RFC3: variants seen among roughly 807,000 people sequenced by gnomAD.
RFC3 encodes A1 38 kDa subunit.
In RFC3, 41 loss-of-function variants were observed where a neutral mutation model predicts 45.1. The ratio of observed to expected loss-of-function variants is 0.91; its 90% CI spans 0.71 to 1.18. The LOEUF is 1.18. Ranked by LOEUF, RFC3 falls within the 50% of genes most tolerant of loss-of-function variation. The probability of loss-of-function intolerance (pLI) is 0.00; values close to 1 mark genes in which losing one functional copy is unlikely to be tolerated. For synonymous variants in RFC3, 149 were observed against 144.0 expected (o/e 1.03, Z -0.25); for missense variants, 423 against 428.1 (o/e 0.99, Z 0.10).
At chr13:33,960,370 G>A (rs2083049283) in intron 8 of RFC3, among the ~76,000 whole-genome samples, 1 of 152,194 alleles carries the variant, frequency 6.6e-6, no homozygotes, top group Admixed American at 6.5e-5. Flanking sequence ...TACCTTAAAG[G>A]ATAAACGAAG....
intron 8 of RFC3, among the ~76,000 whole-genome samples, chr13:33,851,308 G>A (rs928612185): frequency 1.3e-5 from 2 of 152,144 alleles, no homozygotes; most frequent in African/African-American, 4.8e-5. Context: ...GGGGGTTGGA[G>A]CATCAACCCG....
intron 8 of RFC3, among the ~76,000 whole-genome samples, chr13:33,923,491 A>G (rs2082782788): frequency 6.6e-6 from 1 of 152,102 alleles, no homozygotes; most frequent in African/African-American, 2.4e-5. Flanking sequence ...TGGATTCAGA[A>G]CAAGTGGGAT....
At chr13:33,898,815 TA>T (rs1454377784) in intron 8 of RFC3, among the ~76,000 whole-genome samples, 5 of 151,742 alleles carry the variant, frequency 3.3e-5, no homozygotes, top group South Asian at 4.2e-4. Context: ...AAAGGAGTCA[TA>T]AAAACTGAGA....
chr13:33,924,426 A>G (rs1302235949), intron 8 of RFC3, among the ~76,000 whole-genome samples: 1 of 151,944 alleles, frequency 6.6e-6, no homozygotes, highest in East Asian at 1.9e-4. Context: ...TTTACTGGAA[A>G]ACAGCCATGC....
At chr13:33,843,446 A>G (rs1277480248) in intron 8 of RFC3, among the ~76,000 whole-genome samples, 1 of 152,184 alleles carries the variant, frequency 6.6e-6, no homozygotes, top group Admixed American at 6.5e-5. Context: ...CAGTTGTTTA[A>G]TTAGCTGATG....
intron 1 of RFC3, among the ~76,000 whole-genome samples, chr13:33,819,015 C>A (rs2081976916): frequency 6.6e-6 from 1 of 151,686 alleles, no homozygotes; most frequent in Middle Eastern, 3.4e-3. Flanking sequence ...CTCAGCCTCC[C>A]GAGTAGCTGG....
chr13:33,885,930 C>T (rs963623796), intron 8 of RFC3, among the ~76,000 whole-genome samples: 4 of 151,948 alleles, frequency 2.6e-5, no homozygotes, highest in African/African-American at 7.3e-5. Context: ...TTCTCTCTTG[C>T]AACTAGTGAT....
chr13:33,951,445 A>T (rs187329385), intron 8 of RFC3, among the ~76,000 whole-genome samples: 30 of 151,978 alleles, frequency 2.0e-4, no homozygotes, highest in Admixed American at 1.2e-3. Context: ...GTGAGCCAGG[A>T]TGGTCTCCAT....
At chr13:33,918,864 C>T (rs892090377) in intron 8 of RFC3, among the ~76,000 whole-genome samples, 10 of 152,076 alleles carry the variant, frequency 6.6e-5, no homozygotes, top group East Asian at 3.9e-4. Context: ...CAAGAGAAAA[C>T]GGCGATCAGA....
At position 33,836,190 on chromosome 13, in the gene RFC3, A is replaced by G. The variant is rs3135633; in HGVS notation, c.966A>G (p.Leu322=). The change falls in exon 9 of 9, where the codon CTA becomes CTG. Residue 322 remains leucine, a synonymous_variant. Coordinates refer to ENST00000380071, the MANE Select transcript of RFC3 (RefSeq NM_002915.4). ...TGGCAGCTTACTATGAGCATCGTCT[A>G]CAGCTGGGTAGCAAAGCCATTTATC... The part of the protein sequence containing the change: ...AQMAAYYEHR[L]QLGSKAIYHL... The G allele has an allele frequency of 5.7e-4, 912 of 1,613,536 alleles. 3 individuals are homozygous for G. In the Admixed American group the frequency reaches 0.01, roughly 18 times the overall value.
chr13:33,831,305 T>C lies in RFC3; in HGVS notation c.760T>C (p.Tyr254His). Reference protein sequence around the residue: ...QEIPETDWEVYLRETANAIVS... With the variant: ...QEIPETDWEVHLRETANAIVS... The stretch of plus-strand genomic sequence containing the variant: ...AATCCCTGAGACAGATTGGGAGGTG[T>C]ATCTGAGGGAGACTGCAAATGCTAT... The change falls in exon 7 of 9, where the codon TAT (tyrosine) becomes CAT (histidine). Residue 254 changes from tyrosine to histidine, a missense_variant. Tyr to His is a moderately conservative substitution (Grantham distance 83). Transcript: ENST00000380071. The C allele has an allele frequency of 6.2e-7, 1 of 1,611,452 alleles. No homozygotes were observed. The highest frequency in any genetic ancestry group is 8.5e-7 in the Non-Finnish European group (1 of 1,177,568).
chr13:33,835,110 T>C (rs1593621394), intron 7 of RFC3, 38 bp from the exon 8 acceptor site: 20 of 1,409,998 alleles, frequency 1.4e-5, no homozygotes, highest in African/African-American at 4.3e-5. Context: ...TTACCTCTTA[T>C]TTTCTTCACA....
chr13:33,884,653 C>T (rs1888045), intron 8 of RFC3, among the ~76,000 whole-genome samples: 1 of 152,176 alleles, frequency 6.6e-6, no homozygotes, highest in Non-Finnish European at 1.5e-5. Context: ...GCGACAGCGG[C>T]CACTCTATCG....
intron 8 of RFC3, among the ~76,000 whole-genome samples, chr13:33,923,615 G>C (rs183185764): frequency 1.6e-4 from 25 of 152,198 alleles, no homozygotes; most frequent in Admixed American, 1.6e-3. Context: ...CATAGGGCTT[G>C]AATAACAACT....
intron 8 of RFC3, among the ~76,000 whole-genome samples, chr13:33,954,330 AT>A (rs1388643663): frequency 6.6e-6 from 1 of 152,194 alleles, no homozygotes; most frequent in African/African-American, 2.4e-5. Flanking sequence ...AATTTTTGTC[AT>A]TTTGAGAACA....
chr13:33,960,357 T>C (rs1383249985), intron 8 of RFC3, among the ~76,000 whole-genome samples: 1 of 152,218 alleles, frequency 6.6e-6, no homozygotes, highest in Non-Finnish European at 1.5e-5. Flanking sequence ...TCAGGGGCTC[T>C]GGTACCTTAA....
At chr13:33,842,567 T>G (rs541635140) in intron 8 of RFC3, among the ~76,000 whole-genome samples, 1 of 152,338 alleles carries the variant, frequency 6.6e-6, no homozygotes, top group South Asian at 2.1e-4. Context: ...CCTCTCTGAA[T>G]TCTGCTCCTT....
In RFC3 at chr13:33,887,769, G is replaced by A. The variant is rs1239624829; in HGVS notation, c.879+52552G>A. On this transcript the variant is annotated intron_variant, in intron 8 of 8. Coordinates refer to the RFC3 transcript ENST00000434425. ...GGGTTTTTATGGTTTTAGGTCTAATGTTTAAGTCTTTAATCCATCTTGAAT... is the reference window on the plus strand; with the variant it reads ...GGGTTTTTATGGTTTTAGGTCTAATATTTAAGTCTTTAATCCATCTTGAAT... 4.0e-5 allele frequency among the ~76,000 whole-genome samples: 6 copies of A among 150,996 alleles called. 1 individual carries two copies. The South Asian group carries it at 6.3e-4, about 16-fold the overall frequency.
intron 8 of RFC3, among the ~76,000 whole-genome samples, chr13:33,861,573 A>T (rs533236481): frequency 1.3e-5 from 2 of 149,892 alleles, no homozygotes; most frequent in South Asian, 4.4e-4. Context: ...TGAACCCAGG[A>T]GGTGGAGTTT....
Sources: allele counts gnomAD v4.1 joint callset (sites outside exome capture counted in the v4.1 genomes callset), GRCh38; gene constraint gnomAD v4.1.1; transcripts MANE v1.5; gene names NCBI Gene and HGNC (gene_info 2026-07-23, HGNC 2026-07-21).